PLEKHA7: variants seen among roughly 807,000 people sequenced by gnomAD.
PLEKHA7 encodes the protein pleckstrin homology domain containing A7.
PLEKHA7 carries 104 observed loss-of-function variants against 170.0 expected under a neutral mutation model. The ratio of observed to expected loss-of-function variants is 0.61; its 90% CI spans 0.52 to 0.72. PLEKHA7 has a LOEUF of 0.72. PLEKHA7 is among the 30% of genes least tolerant of loss of function. PLEKHA7 has a pLI of 0.00. For synonymous variants in PLEKHA7, 648 were observed against 660.8 expected (o/e 0.98, Z 0.30); for missense variants, 1,615 against 1,671.7 (o/e 0.97, Z 0.59).
intron 3 of PLEKHA7, among the ~76,000 whole-genome samples, chr11:16,985,652 G>A (rs60554454): frequency 1.3e-5 from 2 of 152,240 alleles, no homozygotes; most frequent in Non-Finnish European, 2.9e-5. Context: ...CTTGCTTGAA[G>A]AAACACTGTG....
chr11:16,835,458 G>C (rs1851440671), intron 9 of PLEKHA7, among the ~76,000 whole-genome samples: 1 of 152,160 alleles, frequency 6.6e-6, no homozygotes, highest in Non-Finnish European at 1.5e-5. Flanking sequence ...AGAGAGTGCA[G>C]TTTGTCCATA....
intron 26 of PLEKHA7, among the ~76,000 whole-genome samples, chr11:16,781,660 T>C (rs1421476923): frequency 6.6e-6 from 1 of 152,130 alleles, no homozygotes; most frequent in Non-Finnish European, 1.5e-5. Context: ...GATCAGGCTG[T>C]GGGGGACAGA....
At chr11:16,900,148 ACACTC>A (rs1857240774) in intron 3 of PLEKHA7, among the ~76,000 whole-genome samples, 1 of 152,256 alleles carries the variant, frequency 6.6e-6, no homozygotes, top group South Asian at 2.1e-4. Flanking sequence ...AATCCAGGTC[ACACTC>A]CAAGTTGCTA....
intron 3 of PLEKHA7, among the ~76,000 whole-genome samples, chr11:16,928,108 C>T (rs1859688854): frequency 6.6e-6 from 1 of 152,136 alleles, no homozygotes; most frequent in Admixed American, 6.5e-5. Context: ...GTCATCCTCA[C>T]AACAAGTAAA....
chr11:16,994,817 C>T (rs1038372205), intron 3 of PLEKHA7, among the ~76,000 whole-genome samples: 5 of 152,150 alleles, frequency 3.3e-5, no homozygotes, highest in African/African-American at 1.2e-4. Flanking sequence ...CTCTGTGCCC[C>T]ACCAGGCCCC....
At chr11:16,944,018 G>A (rs1330387530) in intron 3 of PLEKHA7, among the ~76,000 whole-genome samples, 3 of 152,322 alleles carry the variant, frequency 2.0e-5, no homozygotes, top group South Asian at 4.1e-4. Flanking sequence ...AGGTGTTTTT[G>A]ATGTTGTCTC....
At chr11:16,944,814 T>C (rs1860921842) in intron 3 of PLEKHA7, among the ~76,000 whole-genome samples, 2 of 152,240 alleles carry the variant, frequency 1.3e-5, no homozygotes, top group Admixed American at 1.3e-4. Flanking sequence ...TAATAACCAA[T>C]ATTTATTAAG....
At chr11:16,871,032 G>C (rs1854796205) in intron 4 of PLEKHA7, 67 bp downstream of exon 4, 2 of 1,313,576 alleles carry the variant, frequency 1.5e-6, no homozygotes, top group Admixed American at 3.6e-5. Flanking sequence ...AGTAAGTTTT[G>C]TTTTCAGCAA....
rs774977331 is a variant in PLEKHA7 at position 16,816,276 on chromosome 11, G to A, written c.1867-12C>T. The A allele has an allele frequency of 6.9e-6, 11 of 1,603,328 alleles. No homozygotes were observed. In the African/African-American group the frequency reaches 9.4e-5, roughly 14 times the overall value. ...ACATGAGATGAGTTCTGCAAGTGGG[G>A]AGACAAGAAGTCACACTGGAGCCCA... On this transcript the variant is annotated splice_polypyrimidine_tract_variant and intron_variant, in intron 11 of 26. Coordinates refer to ENST00000531066, the MANE Select transcript of PLEKHA7 (RefSeq NM_001329630.2).
At chr11:16,903,165 A>G (rs1857444201) in intron 3 of PLEKHA7, among the ~76,000 whole-genome samples, 1 of 152,246 alleles carries the variant, frequency 6.6e-6, no homozygotes, top group East Asian at 1.9e-4. Context: ...ATTTCTGTTT[A>G]GAAAAGCGAG....
At chr11:16,861,511 T>A (rs1192775839) in intron 4 of PLEKHA7, among the ~76,000 whole-genome samples, 1 of 151,224 alleles carries the variant, frequency 6.6e-6, no homozygotes, top group Non-Finnish European at 1.5e-5. Context: ...TAGCCGAGAG[T>A]GGTGGTGCAC....
At chr11:16,938,941 C>T (rs1418642564) in intron 3 of PLEKHA7, among the ~76,000 whole-genome samples, 1 of 152,008 alleles carries the variant, frequency 6.6e-6, no homozygotes, top group East Asian at 1.9e-4. Context: ...ACTGTCTTTC[C>T]CAGGAAAGAA....
intron 3 of PLEKHA7, among the ~76,000 whole-genome samples, chr11:16,898,533 T>G (rs192433753): frequency 3.3e-5 from 5 of 152,288 alleles, no homozygotes; most frequent in Non-Finnish European, 7.4e-5. Flanking sequence ...GTGCCTACTT[T>G]GGAGCATTTC....
chr11:17,000,496 T>C (rs531250287), intron 3 of PLEKHA7, among the ~76,000 whole-genome samples: 10 of 152,300 alleles, frequency 6.6e-5, no homozygotes, highest in South Asian at 2.1e-4. Flanking sequence ...ACTGCCCAGC[T>C]TCCTTTTAAA....
chr11:16,945,550 G>T (rs1379654908), intron 3 of PLEKHA7, among the ~76,000 whole-genome samples: 1 of 152,220 alleles, frequency 6.6e-6, no homozygotes, highest in Admixed American at 6.5e-5. Context: ...CAGATGGACA[G>T]ATGGATGAAA....
At chr11:16,916,896 C>T (rs1858725041) in intron 3 of PLEKHA7, among the ~76,000 whole-genome samples, 1 of 152,110 alleles carries the variant, frequency 6.6e-6, no homozygotes, top group Non-Finnish European at 1.5e-5. Context: ...GATTAATAGC[C>T]CTATTCGGAC....
At chr11:16,902,515 T>A (rs138257271) in intron 3 of PLEKHA7, among the ~76,000 whole-genome samples, 64 of 152,320 alleles carry the variant, frequency 4.2e-4, no homozygotes, top group African/African-American at 1.5e-3. Context: ...AAAGTATCTG[T>A]CCTTTTTAAT....
intron 3 of PLEKHA7, among the ~76,000 whole-genome samples, chr11:16,930,203 T>C (rs1409574006): frequency 6.6e-6 from 1 of 152,066 alleles, no homozygotes; most frequent in African/African-American, 2.4e-5. Context: ...TGACTTTCTC[T>C]TGTGGCATTA....
intron 3 of PLEKHA7, among the ~76,000 whole-genome samples, chr11:16,878,354 T>C (rs1329681484): frequency 1.3e-5 from 2 of 152,172 alleles, no homozygotes; most frequent in African/African-American, 4.8e-5. Flanking sequence ...AGCTAGACCA[T>C]GTCACCCTCC....
Sources: gnomAD v4.1 joint callset for allele counts (sites outside exome capture counted in the v4.1 genomes callset) on GRCh38, gnomAD v4.1.1 for gene constraint, MANE v1.5 for transcripts, NCBI Gene and HGNC (gene_info 2026-07-23, HGNC 2026-07-21) for gene names.